The following SYMPK variants were observed in gnomAD, a reference collection of about 807,000 sequenced individuals.
The protein encoded by SYMPK is symplekin scaffold protein, also known as symplekin.
A neutral mutation model predicts 136.4 loss-of-function variants in SYMPK; 49 were observed. The observed-to-expected ratio is 0.36, with a 90% CI of 0.29 to 0.46. The LOEUF (loss-of-function observed/expected upper bound fraction) is 0.46, where lower values mean the gene tolerates loss of function less well. SYMPK is among the 20% of genes least tolerant of loss of function. The pLI is 1.00. For missense variants in SYMPK, 1,365 were observed against 1,690.0 expected, an observed-to-expected ratio of 0.81 and a Z score of 3.37; for synonymous variants, 766 against 713.0, an observed-to-expected ratio of 1.07 and a Z score of -1.19.
intron 5 of SYMPK, among the ~76,000 whole-genome samples, chr19:45,850,726 C>T (rs1342242587): frequency 1.3e-5 from 2 of 152,144 alleles, no homozygotes. Context: ...GACAACACTG[C>T]TCCAGGCAGG....
At chr19:45,818,277 G>A (rs886239677) in intron 22 of SYMPK, 131 bp from the exon 23 acceptor site, 23 of 944,930 alleles carry the variant, frequency 2.4e-5, no homozygotes, top group African/African-American at 2.0e-4. Flanking sequence ...GCCCCTGCGG[G>A]AGAGAGGAGA....
intron 5 of SYMPK, 105 bp from the exon 6 acceptor site, chr19:45,848,981 G>A (rs1281130044): frequency 7.3e-7 from 1 of 1,371,724 alleles, no homozygotes; most frequent in Admixed American, 1.8e-5. Flanking sequence ...TGTCTCAGGG[G>A]ACCGGAATGG....
rs146275022 is a variant in SYMPK, at chr19:45,830,013, G to C, written c.1749+41C>G. 1.6e-5 allele frequency: 24 copies of C among 1,522,852 alleles called. No individual in the cohort carries two copies. The African/African-American group carries it at 2.8e-4, about 17-fold the overall frequency. 94.3% of individuals were successfully genotyped at this position (1,522,852 alleles called of 1,614,324 possible). ...TGGATGTGAGGTAGACGTTTGGGTAGAGGGACTGGAAGGATGGGGTGGGGG... is the reference window on the plus strand; with the variant it reads ...TGGATGTGAGGTAGACGTTTGGGTACAGGGACTGGAAGGATGGGGTGGGGG... On this transcript the variant is annotated intron_variant, in intron 13 of 26. Transcript: ENST00000245934.
rs137962662 is a variant in SYMPK at position 45,844,088 on chromosome 19, G to A, written c.789C>T (p.Ile263=). The change falls in exon 8 of 27, where the codon ATC becomes ATT. Residue 263 remains isoleucine, a synonymous_variant. Coordinates refer to ENST00000245934, the MANE Select transcript of SYMPK (RefSeq NM_004819.3). ...ACATGAACATGGGTCTCTGGCGGGCGATATTGGCAAGGGAGCCCAGCGCTG... is the reference window on the plus strand; with the variant it reads ...ACATGAACATGGGTCTCTGGCGGGCAATATTGGCAAGGGAGCCCAGCGCTG... ...LTTALGSLAN[I]ARQRPMFMSE... 1.3e-4 allele frequency: 213 copies of A among 1,611,558 alleles called. 1 individual carries two copies. The highest frequency in any genetic ancestry group is 1.6e-4 in the Middle Eastern group (1 of 6,084).
At chr19:45,825,479 A>C in intron 17 of SYMPK, 148 bp from the exon 18 acceptor site, 14 of 1,000,724 alleles carry the variant, frequency 1.4e-5, no homozygotes, top group Non-Finnish European at 2.0e-5. Context: ...GGGCAGGGAA[A>C]TGGCGGGGAC....
rs759551766 is a variant in SYMPK at position 45,827,571 on chromosome 19, G to A, written c.2120C>T (p.Pro707Leu). ...ATGCAGGTACTGGAACTGGCGGGAC[G>A]GGCGCTTGAAGATCAGGTCTCGAAG... The part of the protein sequence containing the change: ...STLRDLIFKR[P>L]SRQFQYLHVL... The change falls in exon 16 of 27, where the codon CCG (proline) becomes CTG (leucine). Residue 707 changes from proline to leucine, a missense_variant. Physicochemically the swap from Pro to Leu is moderately conservative, Grantham distance 98. Transcript: ENST00000245934. The A allele has an allele frequency of 1.2e-5, 20 of 1,614,002 alleles. No homozygotes were observed. The highest frequency in any genetic ancestry group is 1.5e-5 in the Non-Finnish European group (18 of 1,180,022).
chr19:45,823,057 A>G (rs1417976050), intron 20 of SYMPK, among the ~76,000 whole-genome samples: 1 of 152,116 alleles, frequency 6.6e-6, no homozygotes, highest in Non-Finnish European at 1.5e-5. Flanking sequence ...GTGTGCCCCC[A>G]AGAGGCATCC....
At chr19:45,845,555 T>C (rs1971540013) in intron 7 of SYMPK, among the ~76,000 whole-genome samples, 1 of 152,172 alleles carries the variant, frequency 6.6e-6, no homozygotes, top group Non-Finnish European at 1.5e-5. Flanking sequence ...CTGAATAGTA[T>C]TCAATTGTGT....
chr19:45,822,716 TG>T, intron 21 of SYMPK, 39 bp downstream of exon 21: 1 of 1,575,452 alleles, frequency 6.3e-7, no homozygotes, highest in South Asian at 1.1e-5. Context: ...GCACCTGGGG[TG>T]GGTGGGCCTC....
chr19:45,854,345 C>T lies in SYMPK; in HGVS notation c.105+46G>A, dbSNP rs200713027. On this transcript the variant is annotated intron_variant, in intron 2 of 26. Coordinates refer to ENST00000245934, the MANE Select transcript of SYMPK (RefSeq NM_004819.3). ...GCCACCTAAACAGGGATTGCCAAAGCCAGGGGCTATGCTTCCTCACTCCAA... is the reference window on the plus strand; with the variant it reads ...GCCACCTAAACAGGGATTGCCAAAGTCAGGGGCTATGCTTCCTCACTCCAA... 3.2e-5 allele frequency: 52 copies of T among 1,609,244 alleles called. No homozygotes were observed. The African/African-American group carries it at 6.3e-4, about 19-fold the overall frequency.
intron 11 of SYMPK, among the ~76,000 whole-genome samples, chr19:45,832,415 T>C (rs371620893): frequency 3.9e-5 from 6 of 152,136 alleles, no homozygotes; most frequent in African/African-American, 1.4e-4. Flanking sequence ...GTGCTGGGAC[T>C]ACAGGTGTGA....
At chr19:45,845,669 G>C (rs1245329558) in intron 7 of SYMPK, among the ~76,000 whole-genome samples, 2 of 152,104 alleles carry the variant, frequency 1.3e-5, no homozygotes, top group Non-Finnish European at 2.9e-5. Context: ...TGGAAGTGCG[G>C]GTTATCTTTT....
intron 1 of SYMPK, among the ~76,000 whole-genome samples, chr19:45,857,409 C>CAAAAAAAAA: frequency 2.3e-5 from 1 of 43,444 alleles, no homozygotes; most frequent in Non-Finnish European, 4.3e-5. Context: ...GACTCTGTCT[C>CAAAAAAAAA]AAAAAAAAAA....
chr19:45,840,813 A>G (rs1971417490), intron 9 of SYMPK, among the ~76,000 whole-genome samples: 1 of 151,990 alleles, frequency 6.6e-6, no homozygotes. Flanking sequence ...ACTGCACTCC[A>G]ATCTGGGCAA....
rs1318441452 is a variant in SYMPK, at chr19:45,827,885, G to A, written c.2019C>T (p.Leu673=). Residue 673 remains leucine, a synonymous_variant, in exon 15 of 27, where the codon CTC becomes CTT. Transcript: ENST00000245934. ...IFTKVVLEAP[L]ITESALEVVR... is the part of the protein sequence containing the mutation. The stretch of plus-strand genomic sequence containing the variant: ...CCACCTCCAGGGCACTCTCTGTGAT[G>A]AGTGGCGCCTCCAGCACAACCTTGG... The A allele has an allele frequency of 2.5e-6, 4 of 1,613,990 alleles. No homozygotes were observed. Among genetic ancestry groups the A allele is most frequent in the African/African-American group, 2.7e-5 (2 of 75,068 alleles).
At chr19:45,860,005 CT>C (rs1255754206) in intron 1 of SYMPK, among the ~76,000 whole-genome samples, 2 of 142,300 alleles carry the variant, frequency 1.4e-5, no homozygotes, top group African/African-American at 2.6e-5. Context: ...TGCCATGAAC[CT>C]TTAGTCCCAG....
chr19:45,828,406 G>C (rs1213599440), intron 14 of SYMPK: 3 of 181,838 alleles, frequency 1.6e-5, no homozygotes, highest in Admixed American at 5.5e-5. Flanking sequence ...GCTAATGTTC[G>C]GGGGGTAAAG....
At chr19:45,854,006 T>C (rs1276221674) in intron 3 of SYMPK, among the ~76,000 whole-genome samples, 169 bp downstream of exon 3, 1 of 152,208 alleles carries the variant, frequency 6.6e-6, no homozygotes, top group Non-Finnish European at 1.5e-5. Flanking sequence ...CTACCCTGCC[T>C]TACAGAGCTT....
chr19:45,852,085 T>C (rs1971708025), intron 5 of SYMPK, among the ~76,000 whole-genome samples: 5 of 152,186 alleles, frequency 3.3e-5, no homozygotes, highest in Non-Finnish European at 7.3e-5. Flanking sequence ...GAGCCCACAG[T>C]CCTTAGTGAT....
Sources: allele counts gnomAD v4.1 joint callset (sites outside exome capture counted in the v4.1 genomes callset), GRCh38; gene constraint gnomAD v4.1.1; transcripts MANE v1.5; gene names NCBI Gene and HGNC (gene_info 2026-07-23, HGNC 2026-07-21).